The following NRXN1 variants were observed in gnomAD, a reference collection of about 807,000 sequenced individuals.
The protein encoded by NRXN1 is neurexin-1.
In NRXN1, 39 loss-of-function variants were observed where a neutral mutation model predicts 150.9. That is an observed-to-expected ratio of 0.26 (90% CI 0.20 to 0.34). The LOEUF is 0.34. Among genes scored for constraint, NRXN1 ranks in the 10% least tolerant of loss-of-function variants. NRXN1 has a pLI of 1.00. For missense variants in NRXN1, 1,815 were observed against 1,949.9 expected (o/e 0.93, Z 1.30); for synonymous variants, 924 against 757.0 (o/e 1.22, Z -3.62).
chr2:50,566,021 G>A (rs891953002), intron 8 of NRXN1, among the ~76,000 whole-genome samples: 1 of 152,126 alleles, frequency 6.6e-6, no homozygotes, highest in African/African-American at 2.4e-5. Context: ...TCAGAAATGG[G>A]GAGGGCTGTG....
chr2:50,996,430 C>T (rs1394941258), intron 2 of NRXN1, among the ~76,000 whole-genome samples: 2 of 151,954 alleles, frequency 1.3e-5, no homozygotes, highest in Non-Finnish European at 2.9e-5. Flanking sequence ...CAGTTTAAAC[C>T]AGCTTAACTT....
At chr2:50,562,325 T>TAG (rs1669209506) in intron 8 of NRXN1, among the ~76,000 whole-genome samples, 1 of 121,972 alleles carries the variant, frequency 8.2e-6, no homozygotes, top group South Asian at 2.5e-4. Context: ...ATATGATAGA[T>TAG]ATACGATAGA....
chr2:50,049,500 A>T (rs1692363113), intron 21 of NRXN1, among the ~76,000 whole-genome samples: 1 of 152,148 alleles, frequency 6.6e-6, no homozygotes, highest in African/African-American at 2.4e-5. Flanking sequence ...CTCATTCATC[A>T]TGCTCTTTCC....
At position 50,493,394 on chromosome 2, in the gene NRXN1, GT is replaced by G. The variant is rs374434681; in HGVS notation, c.3070+2510del. On this transcript the variant is annotated intron_variant, in intron 15 of 22. Coordinates refer to ENST00000401669, the MANE Select transcript of NRXN1 (RefSeq NM_001330078.2). The stretch of plus-strand genomic sequence containing the variant: ...AAGCCTTCCAGGTGGTCCCAGCTTG[GT>G]TTCAATGCCCCACTACAGCTCCACA... Among the ~76,000 whole-genome samples the G allele has an allele frequency of 1.8e-3, 272 of 152,222 alleles. 1 individual carries two copies. The highest frequency in any genetic ancestry group is 6.3e-3 in the African/African-American group (263 of 41,528).
At chr2:50,171,348 T>G (rs72887705) in intron 18 of NRXN1, among the ~76,000 whole-genome samples, 8,168 of 152,182 alleles carry the variant, frequency 0.054, 261 homozygotes, top group Middle Eastern at 0.11. Flanking sequence ...ATTCAAATAT[T>G]CATATTTTCT....
At chr2:49,968,027 G>C (rs1444200957) in intron 21 of NRXN1, among the ~76,000 whole-genome samples, 1 of 151,574 alleles carries the variant, frequency 6.6e-6, no homozygotes, top group Non-Finnish European at 1.5e-5. Context: ...CCAGTATCAA[G>C]AGTAAATGGT....
chr2:50,023,217 C>T (rs1169002635), intron 21 of NRXN1: 1 of 152,160 alleles, frequency 6.6e-6, no homozygotes, highest in Non-Finnish European at 1.5e-5. Flanking sequence ...TACTACTTTA[C>T]CTTGCTTAGT....
intron 21 of NRXN1, among the ~76,000 whole-genome samples, chr2:49,977,610 A>G (rs912854816): frequency 1.3e-5 from 2 of 152,194 alleles, no homozygotes; most frequent in Non-Finnish European, 2.9e-5. Flanking sequence ...TCCAATTTTA[A>G]TAAGTTACAG....
At chr2:50,367,873 T>C (rs1442412361) in intron 17 of NRXN1, among the ~76,000 whole-genome samples, 3 of 152,038 alleles carry the variant, frequency 2.0e-5, no homozygotes, top group Admixed American at 2.0e-4. Flanking sequence ...TCCCTTGCGT[T>C]TAATATTCTG....
Position 49,947,927 on chromosome 2 carries a change from AATGT to A in NRXN1, c.4129-4140_4129-4137del, listed in dbSNP as rs1490752378. Among the ~76,000 whole-genome samples, 18 of 152,188 alleles carry A rather than the reference AATGT, an allele frequency of 1.2e-4. No individual in the cohort carries two copies. The East Asian group carries it at 3.5e-3, about 29-fold the overall frequency. ...TATCAACTTTTTTCAATATTTCATG[AATGT>A]AATACCAATTTAATTTTTGCACTAT... On this transcript the variant is annotated intron_variant, in intron 21 of 22. Transcript: ENST00000401669.
Position 50,786,339 on chromosome 2 carries a change from T to C in NRXN1, c.832+135530A>G, listed in dbSNP as rs561896055. Among the ~76,000 whole-genome samples the C allele has an allele frequency of 5.3e-5, 8 of 152,150 alleles. No individual in the cohort carries two copies. In the East Asian group the frequency reaches 1.4e-3, roughly 26 times the overall value. On this transcript the variant is annotated intron_variant, in intron 5 of 22. Transcript: ENST00000401669. ...TGTTTTTATTCCTCTTTATAGCAAA[T>C]TGGCTTAGTTTAAATGCCAGTCTAT...
chr2:50,637,560 G>A (rs1390521798), intron 5 of NRXN1: 1 of 152,254 alleles, frequency 6.6e-6, no homozygotes, highest in African/African-American at 2.4e-5. Context: ...AATTCTTGGA[G>A]AGGAAGATAC....
intron 2 of NRXN1, among the ~76,000 whole-genome samples, chr2:50,948,586 T>C (rs914255271): frequency 6.6e-6 from 1 of 152,088 alleles, no homozygotes; most frequent in Non-Finnish European, 1.5e-5. Flanking sequence ...TTAGAACTCA[T>C]TAGCATTAGA....
chr2:50,101,524 T>G (rs529595673), intron 18 of NRXN1, among the ~76,000 whole-genome samples: 2 of 152,140 alleles, frequency 1.3e-5, no homozygotes, highest in East Asian at 3.9e-4. Flanking sequence ...CCCAACATTT[T>G]TCAGACAAAT....
intron 17 of NRXN1, among the ~76,000 whole-genome samples, chr2:50,384,267 G>A (rs747151810): frequency 6.6e-6 from 1 of 152,102 alleles, no homozygotes; most frequent in Non-Finnish European, 1.5e-5. Context: ...AGCACTTTGG[G>A]AGGCTGAGGC....
chr2:50,715,917 C>T (rs982841801), intron 5 of NRXN1, among the ~76,000 whole-genome samples: 5 of 152,152 alleles, frequency 3.3e-5, no homozygotes, highest in African/African-American at 7.2e-5. Context: ...ACCATATACA[C>T]ATTCTTTTTC....
chr2:50,737,363 G>T (rs1406599419), intron 5 of NRXN1, among the ~76,000 whole-genome samples: 1 of 152,024 alleles, frequency 6.6e-6, no homozygotes, highest in Non-Finnish European at 1.5e-5. Flanking sequence ...CTTACATATA[G>T]AACTCTTATG....
intron 21 of NRXN1, among the ~76,000 whole-genome samples, chr2:50,050,320 C>G (rs1448015174): frequency 1.3e-5 from 2 of 151,978 alleles, no homozygotes; most frequent in African/African-American, 2.4e-5. Context: ...GCTGAACAAA[C>G]CTCATCTCAT....
At chr2:50,372,287 G>T (rs571229551) in intron 17 of NRXN1, among the ~76,000 whole-genome samples, 195 of 152,182 alleles carry the variant, frequency 1.3e-3, no homozygotes, top group African/African-American at 4.4e-3. Flanking sequence ...TCTGGTGGAT[G>T]TGTTCTCTCT....
Sources: allele counts gnomAD v4.1 joint callset (sites outside exome capture counted in the v4.1 genomes callset), GRCh38; gene constraint gnomAD v4.1.1; transcripts MANE v1.5; gene names NCBI Gene and HGNC (gene_info 2026-07-23, HGNC 2026-07-21).